The following PTPRN2 variants were observed in gnomAD, a reference collection of about 807,000 sequenced individuals.
PTPRN2 encodes receptor-type tyrosine-protein phosphatase N2.
A neutral mutation model predicts 118.8 loss-of-function variants in PTPRN2; 74 were observed. That is an observed-to-expected ratio of 0.62 (90% CI 0.52 to 0.76). The LOEUF (loss-of-function observed/expected upper bound fraction) is 0.76, where lower values mean the gene tolerates loss of function less well. Among genes scored for constraint, PTPRN2 ranks in the 30% least tolerant of loss-of-function variants. PTPRN2 has a pLI of 0.00. For synonymous variants in PTPRN2, 641 were observed against 608.0 expected (o/e 1.05, Z -0.80); for missense variants, 1,481 against 1,394.4 (o/e 1.06, Z -0.99).
chr7:157,652,579 G>T (rs1805735443), intron 14 of PTPRN2, among the ~76,000 whole-genome samples: 1 of 152,138 alleles, frequency 6.6e-6, no homozygotes, highest in African/African-American at 2.4e-5. Flanking sequence ...CTTCCCATCA[G>T]GCTTTCATGT....
intron 11 of PTPRN2, among the ~76,000 whole-genome samples, chr7:158,037,292 C>G (rs942825953): frequency 6.6e-6 from 1 of 152,196 alleles, no homozygotes; most frequent in African/African-American, 2.4e-5. Flanking sequence ...GACCAAATGT[C>G]GTAAATACAC....
At chr7:157,841,757 T>C (rs1228966881) in intron 12 of PTPRN2, among the ~76,000 whole-genome samples, 1 of 152,190 alleles carries the variant, frequency 6.6e-6, no homozygotes, top group Non-Finnish European at 1.5e-5. Flanking sequence ...TGAGAAACAC[T>C]ACTATTTTTT....
At chr7:158,108,069 C>T (rs1408411919) in intron 10 of PTPRN2, among the ~76,000 whole-genome samples, 1 of 151,878 alleles carries the variant, frequency 6.6e-6, no homozygotes, top group Admixed American at 6.6e-5. Flanking sequence ...CTTCCTACTG[C>T]ATTCACCCTG....
intron 12 of PTPRN2, among the ~76,000 whole-genome samples, chr7:157,736,875 T>C (rs1198296926): frequency 6.6e-6 from 1 of 152,212 alleles, no homozygotes; most frequent in African/African-American, 2.4e-5. Context: ...ATATTGGTTT[T>C]GGAGCCAAGG....
intron 2 of PTPRN2, among the ~76,000 whole-genome samples, chr7:158,436,870 G>A (rs1480581406): frequency 6.6e-6 from 1 of 152,096 alleles, no homozygotes; most frequent in African/African-American, 2.4e-5. Context: ...ATGTTCAGAG[G>A]TAGGGTTTTC....
chr7:157,843,662 A>C (rs577021331), intron 12 of PTPRN2, among the ~76,000 whole-genome samples: 8 of 152,200 alleles, frequency 5.3e-5, no homozygotes, highest in Non-Finnish European at 1.2e-4. Flanking sequence ...GTGTCGGAAA[A>C]AAATTTGGGA....
intron 2 of PTPRN2, among the ~76,000 whole-genome samples, chr7:158,326,844 TTCTCACAC>T (rs1483592069): frequency 1.4e-4 from 18 of 130,324 alleles, no homozygotes; most frequent in East Asian, 5.0e-4. Flanking sequence ...CTCACATGCA[TTCTCACAC>T]ACATGCTCAT....
At chr7:157,575,951 C>T (rs1261409921) in intron 19 of PTPRN2, among the ~76,000 whole-genome samples, 1 of 152,174 alleles carries the variant, frequency 6.6e-6, no homozygotes, top group African/African-American at 2.4e-5. Context: ...CCAATGCGGA[C>T]CGACTGTTTA....
intron 12 of PTPRN2, among the ~76,000 whole-genome samples, chr7:157,683,610 C>T (rs1797017560): frequency 6.6e-6 from 1 of 152,070 alleles, no homozygotes; most frequent in South Asian, 2.1e-4. Flanking sequence ...AAAGGAGCTG[C>T]AGAGCCTTTG....
intron 12 of PTPRN2, among the ~76,000 whole-genome samples, chr7:157,885,155 A>G (rs1342552782): frequency 3.2e-4 from 48 of 152,228 alleles, no homozygotes; most frequent in Non-Finnish European, 1.5e-5. Flanking sequence ...GGGGTACCTG[A>G]GTTGGCCTGG....
At chr7:157,655,393 G>C (rs1217072304) in intron 14 of PTPRN2, among the ~76,000 whole-genome samples, 1 of 152,202 alleles carries the variant, frequency 6.6e-6, no homozygotes, top group African/African-American at 2.4e-5. Context: ...TCTGCAATGA[G>C]GCTTTTTAGT....
chr7:158,081,257 C>CGTGT (rs1812807305), intron 11 of PTPRN2, 41 bp downstream of exon 11: 2 of 1,541,258 alleles, frequency 1.3e-6, no homozygotes, highest in East Asian at 4.5e-5. Context: ...TGTGTGCACA[C>CGTGT]ACGTGTGTGT....
At chr7:158,239,975 G>C (rs1348766177) in intron 3 of PTPRN2, among the ~76,000 whole-genome samples, 2 of 152,190 alleles carry the variant, frequency 1.3e-5, no homozygotes, top group South Asian at 2.1e-4. Flanking sequence ...GGCGAAGTGA[G>C]CTATAATCCC....
chr7:157,722,233 G>A (rs565628621), intron 12 of PTPRN2, among the ~76,000 whole-genome samples: 10 of 152,260 alleles, frequency 6.6e-5, no homozygotes, highest in Non-Finnish European at 1.3e-4. Flanking sequence ...GACCACGTGT[G>A]CCATGTGCCT....
chr7:158,233,216 A>G (rs1829283450), intron 3 of PTPRN2, among the ~76,000 whole-genome samples: 1 of 152,232 alleles, frequency 6.6e-6, no homozygotes, highest in Admixed American at 6.5e-5. Flanking sequence ...TGACAAATTC[A>G]GTAAAGTTGC....
At chr7:158,559,941 G>T (rs1291192393) in intron 1 of PTPRN2, among the ~76,000 whole-genome samples, 1 of 152,182 alleles carries the variant, frequency 6.6e-6, no homozygotes, top group Non-Finnish European at 1.5e-5. Flanking sequence ...TATGCACATT[G>T]TTCTCCAACA....
chr7:158,136,791 C>A, intron 7 of PTPRN2, 96 bp from the exon 8 acceptor site: 1 of 1,170,754 alleles, frequency 8.5e-7, no homozygotes, highest in Non-Finnish European at 1.3e-6. Flanking sequence ...CCCCTCCATA[C>A]GAAAGGTGAG....
chr7:158,409,323 GGAGCAGGCAGT>G (rs1427725640), intron 2 of PTPRN2, among the ~76,000 whole-genome samples: 2 of 152,218 alleles, frequency 1.3e-5, no homozygotes, highest in African/African-American at 4.8e-5. Flanking sequence ...GATGTGTGCA[GGAGCAGGCAGT>G]GAGCAGGCTG....
intron 2 of PTPRN2, among the ~76,000 whole-genome samples, chr7:158,380,547 C>T (rs1258334911): frequency 6.6e-6 from 1 of 152,190 alleles, no homozygotes; most frequent in Non-Finnish European, 1.5e-5. Flanking sequence ...TGTGGCTTTG[C>T]AGAGTAAAGC....
Sources: allele counts gnomAD v4.1 joint callset (sites outside exome capture counted in the v4.1 genomes callset), GRCh38; gene constraint gnomAD v4.1.1; transcripts MANE v1.5; gene names NCBI Gene and HGNC (gene_info 2026-07-23, HGNC 2026-07-21).